TRPA1: variants seen among roughly 807,000 people sequenced by gnomAD.
TRPA1 encodes the protein transient receptor potential cation channel subfamily A member 1.
TRPA1 carries 129 observed loss-of-function variants against 131.3 expected under a neutral mutation model. The observed-to-expected ratio is 0.98, with a 90% confidence interval of 0.85 to 1.14. The LOEUF (loss-of-function observed/expected upper bound fraction) is 1.14. Among genes scored for constraint, TRPA1 ranks in the 50% most tolerant of loss-of-function variants. The probability of loss-of-function intolerance (pLI) is 0.00; values close to 1 mark genes in which losing one functional copy is unlikely to be tolerated. For missense variants in TRPA1, 1,304 were observed against 1,354.2 expected (o/e 0.96, Z 0.58); for synonymous variants, 441 against 451.7 (o/e 0.98, Z 0.30).
chr8:72,075,214 A>C (rs1305184449), intron 1 of TRPA1, 85 bp downstream of exon 1: 6 of 1,096,546 alleles, frequency 5.5e-6, no homozygotes, highest in Non-Finnish European at 8.4e-6. Flanking sequence ...GCTTTCTCCA[A>C]ACCAAGGGCT....
chr8:72,030,906 C>A (rs1004790376), intron 23 of TRPA1, among the ~76,000 whole-genome samples: 1 of 152,202 alleles, frequency 6.6e-6, no homozygotes, highest in African/African-American at 2.4e-5. Flanking sequence ...GAAATTAGCT[C>A]ATTTCACTCA....
At chr8:72,037,240 T>A (rs888473703) in intron 20 of TRPA1, among the ~76,000 whole-genome samples, 4 of 152,170 alleles carry the variant, frequency 2.6e-5, no homozygotes, top group Admixed American at 6.5e-5. Flanking sequence ...AATGCAAATA[T>A]CTATGTGCTT....
At chr8:72,044,592 C>T (rs1812365121) in intron 17 of TRPA1, among the ~76,000 whole-genome samples, 1 of 151,974 alleles carries the variant, frequency 6.6e-6, no homozygotes, top group African/African-American at 2.4e-5. Context: ...TGTAGCTATG[C>T]TAATGGATTT....
At chr8:72,059,336 G>A in intron 8 of TRPA1, 54 bp downstream of exon 8, 1 of 1,183,444 alleles carries the variant, frequency 8.4e-7, no homozygotes, top group Non-Finnish European at 1.2e-6. Flanking sequence ...GTAATTATAC[G>A]ATTTCTTAAA....
rs115617536 is a variant in TRPA1, at chr8:72,045,602, C to T, written c.2061+911G>A. 2.1e-3 allele frequency among the ~76,000 whole-genome samples: 316 copies of T among 149,484 alleles called. 4 individuals carry two copies. Among genetic ancestry groups the T allele is most frequent in the African/African-American group, 7.0e-3 (282 of 40,510 alleles). ...AAATCTAGACCAAAATTTGCAACTC[C>T]AGTCCTCAAATATGTTTTGTTTTAC... On this transcript the variant is annotated intron_variant, in intron 17 of 26. Transcript: ENST00000262209.
the TRPA1 span, among the ~76,000 whole-genome samples, chr8:72,080,702 T>C: frequency 2.0e-5 from 3 of 151,872 alleles, no homozygotes; most frequent in African/African-American, 7.2e-5. Context: ...GGAAGATATT[T>C]AATTACTAAT....
the TRPA1 span, among the ~76,000 whole-genome samples, chr8:72,080,909 T>C: frequency 1.3e-5 from 2 of 151,816 alleles, no homozygotes; most frequent in Non-Finnish European, 3.0e-5. Context: ...CCTTCTTTCA[T>C]TCCTGTTTTT....
Position 72,034,298 on chromosome 8 carries a change from A to C in TRPA1, c.2635T>G (p.Phe879Val). 1 of 1,607,240 alleles carries C rather than the reference A, an allele frequency of 6.2e-7. No homozygotes were observed. The highest frequency in any genetic ancestry group is 8.5e-7 in the Non-Finnish European group (1 of 1,176,304). The change falls in exon 22 of 27, where the codon TTC becomes GTC. Residue 879 changes from phenylalanine (F) to valine (V), a missense_variant. By Grantham distance (50) the Phe-to-Val change is conservative. Transcript: ENST00000262209. Reference sequence around the variant, plus strand: ...CTGAGTCCAAAAGCCAGAAGAAGGAAGATAAATACAACTGTAGACCTCAAC... The same window carrying C: ...CTGAGTCCAAAAGCCAGAAGAAGGACGATAAATACAACTGTAGACCTCAAC... Reference protein sequence around the residue: ...TLLRSTVVFIFLLLAFGLSFY... With the variant: ...TLLRSTVVFIVLLLAFGLSFY...
chr8:72,061,806 A>G (rs1805815683), intron 6 of TRPA1, 45 bp from the exon 7 acceptor site: 1 of 1,602,642 alleles, frequency 6.2e-7, no homozygotes. Context: ...AATCTCAATG[A>G]AAGAATATAA....
At chr8:72,043,818 C>T (rs1812338200) in intron 17 of TRPA1, among the ~76,000 whole-genome samples, 1 of 151,812 alleles carries the variant, frequency 6.6e-6, no homozygotes, top group Non-Finnish European at 1.5e-5. Flanking sequence ...TTTTCATCAG[C>T]ACTCTATTAC....
In TRPA1 at chr8:72,050,855, T is replaced by G; in HGVS notation, c.1828A>C (p.Lys610Gln). The G allele has an allele frequency of 6.2e-7, 1 of 1,608,646 alleles. No homozygotes were observed. Among genetic ancestry groups the G allele is most frequent in the East Asian group, 2.2e-5 (1 of 44,778 alleles). The change falls in exon 15 of 27, where the codon AAG (lysine) becomes CAG (glutamine). Residue 610 changes from lysine to glutamine, a missense_variant. Transcript: ENST00000262209. ...CCTGGAGAATTATGACTGAAAATCT[T>G]AAGACATTCATCCCATCTGTAAAAA... ...IRSKRWDECL[K>Q]IFSHNSPGNK... is the part of the protein sequence containing the mutation.
chr8:72,024,010 A>C (rs1376575754), intron 25 of TRPA1, 99 bp from the exon 26 acceptor site: 2 of 777,592 alleles, frequency 2.6e-6, no homozygotes, highest in Non-Finnish European at 4.7e-6. Flanking sequence ...ACCAATATGC[A>C]TAAGGCATAG....
intron 6 of TRPA1, 143 bp downstream of exon 6, chr8:72,062,656 T>G: frequency 1.1e-6 from 1 of 872,060 alleles, no homozygotes; most frequent in Non-Finnish European, 1.8e-6. Flanking sequence ...GATATTCTCT[T>G]GTTCTGCTTC....
chr8:72,041,513 C>A (rs1313085289), intron 17 of TRPA1, among the ~76,000 whole-genome samples: 1 of 151,928 alleles, frequency 6.6e-6, no homozygotes, highest in Non-Finnish European at 1.5e-5. Context: ...TATAAAATAT[C>A]TTCCTCACTA....
At chr8:72,086,858 A>C in the TRPA1 span, among the ~76,000 whole-genome samples, 1 of 152,132 alleles carries the variant, frequency 6.6e-6, no homozygotes, top group East Asian at 1.9e-4. Context: ...ATTATTATTT[A>C]TTTCTGCATA....
intron 20 of TRPA1, among the ~76,000 whole-genome samples, 154 bp from the exon 21 acceptor site, chr8:72,036,611 A>G (rs1190636290): frequency 6.6e-6 from 1 of 152,196 alleles, no homozygotes. Context: ...TCCTGGATTG[A>G]CTTCAGAGTC....
chr8:72,044,938 C>T (rs1456087955), intron 17 of TRPA1, among the ~76,000 whole-genome samples: 3 of 151,806 alleles, frequency 2.0e-5, no homozygotes, highest in Admixed American at 1.3e-4. Flanking sequence ...TTTTTAGATG[C>T]TACATAGATC....
chr8:72,053,690 G>T, intron 13 of TRPA1, 63 bp downstream of exon 13: 1 of 1,226,648 alleles, frequency 8.2e-7, no homozygotes, highest in Non-Finnish European at 1.2e-6. Context: ...AGAGTTTTCT[G>T]GCAATGTTGG....
At chr8:72,047,300 TC>T in intron 15 of TRPA1, 93 bp from the exon 16 acceptor site, 1 of 912,512 alleles carries the variant, frequency 1.1e-6, no homozygotes, top group East Asian at 2.4e-5. Context: ...CACAAGACAT[TC>T]CCTTTCCTTT....
Sources: allele counts gnomAD v4.1 joint callset (sites outside exome capture counted in the v4.1 genomes callset), GRCh38; gene constraint gnomAD v4.1.1; transcripts MANE v1.5; gene names NCBI Gene and HGNC (gene_info 2026-07-23, HGNC 2026-07-21).